EYA2: variants seen among roughly 807,000 people sequenced by gnomAD.
EYA2 encodes the protein EYA transcriptional coactivator and phosphatase 2, also known as protein phosphatase EYA2.
A neutral mutation model predicts 69.2 loss-of-function variants in EYA2; 31 were observed. The ratio of observed to expected loss-of-function variants is 0.45; its 90% CI spans 0.34 to 0.60. The LOEUF is 0.60. EYA2 is among the 20% of genes least tolerant of loss of function. The pLI is 0.02. For synonymous variants in EYA2, 257 were observed against 279.4 expected (o/e 0.92, Z 0.80); for missense variants, 622 against 701.2 (o/e 0.89, Z 1.28).
intron 8 of EYA2, chr20:47,096,103 C>T (rs2032238951): frequency 6.6e-6 from 1 of 152,090 alleles, no homozygotes; most frequent in African/African-American, 2.4e-5. Flanking sequence ...AGGTATGATA[C>T]ATATATGAAC....
chr20:47,004,766 G>A (rs889920261), intron 3 of EYA2, 176 bp from the exon 4 acceptor site: 19 of 826,914 alleles, frequency 2.3e-5, no homozygotes, highest in Non-Finnish European at 3.9e-6. Flanking sequence ...GACAGAAAAT[G>A]TAATCTTCCT....
At chr20:46,990,738 TG>T (rs1402825388) in intron 2 of EYA2, among the ~76,000 whole-genome samples, 2 of 152,264 alleles carry the variant, frequency 1.3e-5, no homozygotes, top group Non-Finnish European at 2.9e-5. Context: ...TAAGCTATTA[TG>T]TTTAACCATT....
chr20:47,143,185 TTTAATCACC>T, intron 10 of EYA2, 37 bp downstream of exon 10: 16 of 1,526,160 alleles, frequency 1.0e-5, no homozygotes, highest in Non-Finnish European at 1.4e-5. Context: ...ATTTGCCATG[TTTAATCACC>T]TGCATCTAGT....
intron 9 of EYA2, among the ~76,000 whole-genome samples, chr20:47,116,170 CTTTTTTT>C (rs138828415): frequency 2.5e-5 from 2 of 80,038 alleles, no homozygotes; most frequent in African/African-American, 1.1e-4. Flanking sequence ...CATCATCCTT[CTTTTTTT>C]TTTTTTTTTT....
intron 5 of EYA2, among the ~76,000 whole-genome samples, chr20:47,056,483 T>C (rs1342029613): frequency 1.3e-5 from 2 of 152,074 alleles, no homozygotes; most frequent in Non-Finnish European, 2.9e-5. Flanking sequence ...ACACAAAAAA[T>C]TATCACCGTA....
At chr20:47,081,211 A>G (rs2031699887) in intron 7 of EYA2, among the ~76,000 whole-genome samples, 1 of 152,058 alleles carries the variant, frequency 6.6e-6, no homozygotes. Flanking sequence ...CTCTCATGAC[A>G]TGTGGGAATT....
intron 7 of EYA2, among the ~76,000 whole-genome samples, chr20:47,074,544 A>C (rs1176658008): frequency 6.6e-6 from 1 of 152,220 alleles, no homozygotes; most frequent in East Asian, 1.9e-4. Flanking sequence ...TCTCTCAGAC[A>C]TGTTTTGTTG....
At chr20:46,912,088 C>A (rs1455916097) in intron 1 of EYA2, among the ~76,000 whole-genome samples, 1 of 152,122 alleles carries the variant, frequency 6.6e-6, no homozygotes, top group African/African-American at 2.4e-5. Flanking sequence ...AATAATCTTG[C>A]AAATAGAAGG....
chr20:46,951,280 C>A (rs746347644), intron 1 of EYA2, among the ~76,000 whole-genome samples: 3 of 152,108 alleles, frequency 2.0e-5, no homozygotes, highest in Non-Finnish European at 4.4e-5. Flanking sequence ...GGGATTTTTT[C>A]TGTAACCAGC....
chr20:46,930,550 G>A (rs2146250239), intron 1 of EYA2, among the ~76,000 whole-genome samples: 1 of 152,228 alleles, frequency 6.6e-6, no homozygotes, highest in East Asian at 1.9e-4. Context: ...GGGGGGATGT[G>A]GGGGTAATGC....
In EYA2 at chr20:47,172,728, C is replaced by T. The variant is rs373339423; in HGVS notation, c.1059C>T (p.Asp353=). ...GCAGCACATACAACTTCTCCGCTGA[C>T]GGCTTCCACAGTTCGGCCCCAGGAG... is the stretch of plus-strand genomic sequence containing the variant. The part of the protein sequence containing the change: ...QDLSTYNFSA[D]GFHSSAPGAN... Residue 353 remains aspartate, a synonymous_variant, in exon 12 of 16, where the codon GAC becomes GAT. Coordinates refer to ENST00000327619, the MANE Select transcript of EYA2 (RefSeq NM_005244.5). 231 of 1,613,144 alleles carry T rather than the reference C, an allele frequency of 1.4e-4. No homozygotes were observed. Among genetic ancestry groups the T allele is most frequent in the Non-Finnish European group, 1.9e-4 (227 of 1,179,644 alleles).
intron 5 of EYA2, among the ~76,000 whole-genome samples, chr20:47,044,414 C>A (rs1043869404): frequency 6.6e-6 from 1 of 152,002 alleles, no homozygotes; most frequent in Non-Finnish European, 1.5e-5. Context: ...TCAATACTCA[C>A]AGTGAGAAAG....
intron 9 of EYA2, among the ~76,000 whole-genome samples, chr20:47,135,818 C>CAAAAAAAAAAAAAAAAAAAAAAAAAAAA (rs1201324879): frequency 3.0e-5 from 1 of 33,262 alleles, no homozygotes; most frequent in Admixed American, 3.3e-4. Context: ...CCTGTCTCTA[C>CAAAAAAAAAAAAAAAAAAAAAAAAAAAA]AAAAAAAAAA....
intron 1 of EYA2, among the ~76,000 whole-genome samples, chr20:46,913,143 A>G: frequency 6.6e-6 from 1 of 152,224 alleles, no homozygotes; most frequent in East Asian, 1.9e-4. Flanking sequence ...CCCAACAGTG[A>G]TTTTAACAAG....
intron 15 of EYA2, among the ~76,000 whole-genome samples, chr20:47,186,733 A>G (rs1246301448): frequency 6.6e-6 from 1 of 152,062 alleles, no homozygotes; most frequent in Admixed American, 6.5e-5. Context: ...ATTCACTTCT[A>G]CCAAAAAAGA....
intron 10 of EYA2, among the ~76,000 whole-genome samples, chr20:47,166,433 C>CAAAAAAAAAA (rs1555833836): frequency 1.9e-5 from 1 of 52,218 alleles, no homozygotes; most frequent in Non-Finnish European, 4.2e-5. Context: ...AAAAAAAAAG[C>CAAAAAAAAAA]TTTTTGCTTG....
chr20:47,036,078 T>G (rs1271318801), intron 5 of EYA2, among the ~76,000 whole-genome samples: 2 of 152,138 alleles, frequency 1.3e-5, no homozygotes, highest in Non-Finnish European at 2.9e-5. Context: ...GGCTGAGCAC[T>G]TGGCCAGTAT....
chr20:46,973,892 T>C (rs748586525), intron 1 of EYA2, among the ~76,000 whole-genome samples: 2 of 152,142 alleles, frequency 1.3e-5, no homozygotes, highest in Non-Finnish European at 2.9e-5. Context: ...CATGAATCGC[T>C]GCATGGCTCT....
At chr20:47,116,993 C>CTTT (rs1416425652) in intron 9 of EYA2, among the ~76,000 whole-genome samples, 9 of 95,686 alleles carry the variant, frequency 9.4e-5, no homozygotes, top group African/African-American at 3.3e-4. Context: ...CATGCATCTG[C>CTTT]ATTTTTTTTT....
Sources: allele counts gnomAD v4.1 joint callset (sites outside exome capture counted in the v4.1 genomes callset), GRCh38; gene constraint gnomAD v4.1.1; transcripts MANE v1.5; gene names NCBI Gene and HGNC (gene_info 2026-07-23, HGNC 2026-07-21).